DYNC2H1: variants seen among roughly 807,000 people sequenced by gnomAD.
The protein encoded by DYNC2H1 is dynein cytoplasmic 2 heavy chain 1, also known as cytoplasmic dynein 2 heavy chain 1.
DYNC2H1 carries 410 observed loss-of-function variants against 570.0 expected under a neutral mutation model. That is an observed-to-expected ratio of 0.72 (90% CI 0.66 to 0.78). The LOEUF (loss-of-function observed/expected upper bound fraction) is 0.78, where lower values mean the gene tolerates loss of function less well. Ranked by LOEUF, DYNC2H1 falls within the 30% of genes least tolerant of loss-of-function variation. The pLI, the probability that DYNC2H1 is intolerant of heterozygous loss-of-function variation, is 0.00. For missense variants in DYNC2H1, 4,865 were observed against 5,046.4 expected (o/e 0.96, Z 1.09); for synonymous variants, 1,688 against 1,677.6 (o/e 1.01, Z -0.15).
At position 103,177,533 on chromosome 11, in the gene DYNC2H1, T is replaced by G. The variant is rs1174406302; in HGVS notation, c.5875-23T>G. Reference sequence around the variant, plus strand: ...ATGATTGAATATTATAAATCATATATGAACATATTTCTTTCCTACTAGATC... The same window carrying G: ...ATGATTGAATATTATAAATCATATAGGAACATATTTCTTTCCTACTAGATC... On this transcript the variant is annotated intron_variant, in intron 37 of 88. Transcript: ENST00000375735. The surrounding 1 kb of genome is among the most constrained non-coding windows in gnomAD (Gnocchi z 4.4). 13 of 1,586,626 alleles carry G rather than the reference T, an allele frequency of 8.2e-6. No individual in the cohort carries two copies. Among genetic ancestry groups the G allele is most frequent in the Admixed American group, 5.8e-5 (3 of 52,074 alleles).
At chr11:103,318,624 G>A (rs756496319) in intron 80 of DYNC2H1, among the ~76,000 whole-genome samples, 8 of 152,150 alleles carry the variant, frequency 5.3e-5, no homozygotes, top group South Asian at 2.1e-4. Context: ...TATTTCTGTT[G>A]AGTATATATG....
At position 103,116,572 on chromosome 11, in the gene DYNC2H1, G is replaced by A. The variant is rs373638559; in HGVS notation, c.624G>A (p.Glu208=). The A allele has an allele frequency of 6.6e-5, 104 of 1,570,198 alleles. No homozygotes were observed. The highest frequency in any genetic ancestry group is 8.0e-5 in the Non-Finnish European group (93 of 1,160,240). ...AAAATTAATGCATTTTTTTCTAGGA[G>A]TTTTATAACTTGGACAGTCTATCCT... ...FKELFETIAR[E]FYNLDSLSLL... Residue 208 remains glutamate (E), a splice_region_variant and synonymous_variant, in exon 5 of 89, where the codon GAG becomes GAA. Coordinates refer to ENST00000375735, the MANE Select transcript of DYNC2H1 (RefSeq NM_001377.3).
rs977767015 is a variant in DYNC2H1 at position 103,369,930 on chromosome 11, A to C, written c.12156+11571A>C. 3.3e-5 allele frequency among the ~76,000 whole-genome samples: 5 copies of C among 152,212 alleles called. No homozygotes were observed. Among genetic ancestry groups the C allele is most frequent in the Admixed American group, 2.0e-4 (3 of 15,286 alleles). On this transcript the variant is annotated intron_variant, in intron 83 of 88. Transcript: ENST00000375735. This position sits in a 1 kb window ranked among gnomAD's most constrained non-coding sequence, Gnocchi z 4.0. ...TGGAGAAAGACTCCTTCCACTTGAG[A>C]AAAGCAGAGAGAAATGCAAAGGGGA... is the stretch of plus-strand genomic sequence containing the variant.
chr11:103,113,959 G>A (rs1858243874), intron 2 of DYNC2H1, 144 bp from the exon 3 acceptor site: 1 of 1,014,208 alleles, frequency 9.9e-7, no homozygotes, highest in South Asian at 1.7e-5. Flanking sequence ...AGTTTTAACT[G>A]TTGAGAGGAC....
At chr11:103,131,786 C>CAGTA (rs1859289697) in intron 13 of DYNC2H1, among the ~76,000 whole-genome samples, 2 of 152,162 alleles carry the variant, frequency 1.3e-5, no homozygotes, top group South Asian at 4.1e-4. Context: ...AGCTGACAAA[C>CAGTA]TACTGTCATT....
At position 103,289,636 on chromosome 11, in the gene DYNC2H1, C is replaced by T. The variant is rs1020596583; in HGVS notation, c.11095+2031C>T. ...ATGAGCCAGGCACGGTGGCATGTGCCTGTAGTTCCAGCTACTCAGGAGGCT... is the reference window on the plus strand; with the variant it reads ...ATGAGCCAGGCACGGTGGCATGTGCTTGTAGTTCCAGCTACTCAGGAGGCT... On this transcript the variant is annotated intron_variant, in intron 75 of 88. Coordinates refer to ENST00000375735, the MANE Select transcript of DYNC2H1 (RefSeq NM_001377.3). This position sits in a 1 kb window ranked among gnomAD's most constrained non-coding sequence, Gnocchi z 4.2. 6.6e-6 allele frequency among the ~76,000 whole-genome samples: 1 copy of T among 152,016 alleles called. No individual in the cohort carries two copies. Among genetic ancestry groups the T allele is most frequent in the African/African-American group, 2.4e-5 (1 of 41,386 alleles).
chr11:103,304,822 A>G (rs1867211297), intron 77 of DYNC2H1, 102 bp downstream of exon 77: 3 of 1,196,380 alleles, frequency 2.5e-6, no homozygotes, highest in East Asian at 2.8e-5. Flanking sequence ...TGATGATTTA[A>G]AAAGTAATAT....
rs1862701422 is a variant in DYNC2H1 at position 103,201,081 on chromosome 11, CCTCCCAAAGTGCT to C, written c.8197+928_8197+940del. Reference sequence around the variant, plus strand: ...ACTTCAGGTGATCCTCCCGCCTTGGCCTCCCAAAGTGCTGGGATTACAGATGTGAGCCACCGCG... The same window carrying C: ...ACTTCAGGTGATCCTCCCGCCTTGGCGGGATTACAGATGTGAGCCACCGCG... On this transcript the variant is annotated intron_variant, in intron 50 of 88. Transcript: ENST00000375735. This position sits in a 1 kb window ranked among gnomAD's most constrained non-coding sequence, Gnocchi z 4.8. 6.6e-6 allele frequency among the ~76,000 whole-genome samples: 1 copy of C among 152,148 alleles called. No individual in the cohort carries two copies. Among genetic ancestry groups the C allele is most frequent in the Admixed American group, 6.6e-5 (1 of 15,264 alleles).
At chr11:103,202,762 A>G (rs1862774544) in intron 50 of DYNC2H1, among the ~76,000 whole-genome samples, 1 of 152,188 alleles carries the variant, frequency 6.6e-6, no homozygotes, top group African/African-American at 2.4e-5. Context: ...TGTGAATTGT[A>G]AACATATTGG....
At chr11:103,217,458 T>C (rs1029668831) in intron 55 of DYNC2H1, among the ~76,000 whole-genome samples, 11 of 152,162 alleles carry the variant, frequency 7.2e-5, no homozygotes, top group African/African-American at 2.7e-4. Context: ...CGGTTGATTT[T>C]ACACAAAAAT....
Position 103,135,852 on chromosome 11 carries a change from T to A in DYNC2H1, c.2478T>A (p.Ser826=), listed in dbSNP as rs1371251826. ...AGGCAGGAGATGAATCTATTTTTTC[T>A]ATTATGATTGATAGAAATGCAAGTG... ...VGEAGDESIF[S]IMIDRNASGF... The change falls in exon 17 of 89, where the codon TCT becomes TCA. Residue 826 remains serine, a synonymous_variant. Coordinates refer to ENST00000375735, the MANE Select transcript of DYNC2H1 (RefSeq NM_001377.3). 1 of 1,613,094 alleles carries A rather than the reference T, an allele frequency of 6.2e-7. No individual in the cohort carries two copies. Among genetic ancestry groups the A allele is most frequent in the African/African-American group, 1.3e-5 (1 of 74,910 alleles).
At position 103,154,787 on chromosome 11, in the gene DYNC2H1, A is replaced by G. The variant is rs755608985; in HGVS notation, c.3551A>G (p.Gln1184Arg). The stretch of plus-strand genomic sequence containing the variant: ...CATTCAGTGATGACAGTGAAATTAC[A>G]ATCAGAGGTTGACAAATATAAAGTA... ...EEHSVMTVKL[Q>R]SEVDKYKIVI... is the part of the protein sequence containing the mutation. Residue 1184 changes from glutamine (Q) to arginine (R), a missense_variant, in exon 24 of 89, where the codon CAA (glutamine) becomes CGA (arginine). Gln to Arg is a conservative substitution (Grantham distance 43). Transcript: ENST00000375735. 4 of 1,550,734 alleles carry G rather than the reference A, an allele frequency of 2.6e-6. No homozygotes were observed. The highest frequency in any genetic ancestry group is 2.4e-5 in the East Asian group (1 of 41,860).
chr11:103,199,179 T>A lies in DYNC2H1; in HGVS notation c.7840-49T>A. On this transcript the variant is annotated intron_variant, in intron 48 of 88. Transcript: ENST00000375735. This position sits in a 1 kb window ranked among gnomAD's most constrained non-coding sequence, Gnocchi z 4.6. ...ACCTAGGTAAGTAACATTTTTATTATGTAATTAGGGCTTATATTAATTATA... is the reference window on the plus strand; with the variant it reads ...ACCTAGGTAAGTAACATTTTTATTAAGTAATTAGGGCTTATATTAATTATA... 1 of 1,262,356 alleles carries A rather than the reference T, an allele frequency of 7.9e-7. No homozygotes were observed. The highest frequency in any genetic ancestry group is 1.1e-6 in the Non-Finnish European group (1 of 949,090). 78.2% of individuals were successfully genotyped at this position (1,262,356 alleles called of 1,614,324 possible).
chr11:103,314,400 T>C (rs1306325263), intron 79 of DYNC2H1, among the ~76,000 whole-genome samples: 1 of 152,140 alleles, frequency 6.6e-6, no homozygotes, highest in Non-Finnish European at 1.5e-5. Context: ...TTATTTGTAT[T>C]ACATAATATT....
At chr11:103,269,539 T>G (rs1865623056) in intron 70 of DYNC2H1, among the ~76,000 whole-genome samples, 1 of 152,200 alleles carries the variant, frequency 6.6e-6, no homozygotes, top group Admixed American at 6.5e-5. Flanking sequence ...CACATCACAT[T>G]GAACTGAAAG....
intron 84 of DYNC2H1, among the ~76,000 whole-genome samples, chr11:103,421,921 T>A (rs1166419129): frequency 3.4e-5 from 5 of 146,612 alleles, no homozygotes; most frequent in African/African-American, 7.7e-5. Context: ...TTTTTTTTTT[T>A]TATAACAAAA....
chr11:103,389,440 A>G, intron 83 of DYNC2H1, among the ~76,000 whole-genome samples: 1 of 152,098 alleles, frequency 6.6e-6, no homozygotes, highest in Non-Finnish European at 1.5e-5. Flanking sequence ...GATCTTTTCA[A>G]AAAACCACCT....
intron 86 of DYNC2H1, among the ~76,000 whole-genome samples, chr11:103,455,873 A>G (rs956284799): frequency 1.3e-5 from 2 of 152,152 alleles, no homozygotes; most frequent in Non-Finnish European, 2.9e-5. Flanking sequence ...GGACATTACT[A>G]AAAATATCCT....
At position 103,355,248 on chromosome 11, in the gene DYNC2H1, C is replaced by T. The variant is rs115834261; in HGVS notation, c.12040-2995C>T. Among the ~76,000 whole-genome samples, 753 of 152,014 alleles carry T rather than the reference C, an allele frequency of 5.0e-3. 2 individuals are homozygous for T. The highest frequency in any genetic ancestry group is 0.017 in the African/African-American group (720 of 41,502). ...ATCTAGTCTGCCATATTCCCTGTAA[C>T]AAAAATGTAAATTATTTAATTTCTT... On this transcript the variant is annotated intron_variant, in intron 82 of 88. Transcript: ENST00000375735.
Sources: gnomAD v4.1 joint callset for allele counts (sites outside exome capture counted in the v4.1 genomes callset) on GRCh38, gnomAD v4.1.1 for gene constraint, Gnocchi (gnomAD v3.1) non-coding constraint, MANE v1.5 for transcripts, NCBI Gene and HGNC (gene_info 2026-07-23, HGNC 2026-07-21) for gene names.